The following AP1G2 variants were observed in gnomAD, a reference collection of about 807,000 sequenced individuals.
AP1G2 encodes adaptor related protein complex 1 subunit gamma 2.
Under a neutral mutation model 95.8 loss-of-function variants are expected in AP1G2, and 85 were observed. That is an observed-to-expected ratio of 0.89 (90% CI 0.74 to 1.06). The LOEUF (loss-of-function observed/expected upper bound fraction) is 1.06, where lower values mean the gene tolerates loss of function less well. Among genes scored for constraint, AP1G2 ranks in the 50% least tolerant of loss-of-function variants. The pLI is 0.00. For synonymous variants in AP1G2, 378 were observed against 400.0 expected (o/e 0.94, Z 0.66); for missense variants, 967 against 1,005.8 (o/e 0.96, Z 0.52).
chr14:23,565,317 T>A (rs1020842182), intron 7 of AP1G2, 118 bp from the exon 8 acceptor site: 2 of 1,055,932 alleles, frequency 1.9e-6, no homozygotes, highest in African/African-American at 3.2e-5. Flanking sequence ...TTCCCCCACC[T>A]CCTCACCTCC....
At chr14:23,564,291 G>A (rs780564891) in intron 10 of AP1G2, 42 bp downstream of exon 10, 3 of 1,613,850 alleles carry the variant, frequency 1.9e-6, no homozygotes, top group Non-Finnish European at 2.5e-6. Flanking sequence ...AGAGGGCCAG[G>A]GGATCAGTGG....
chr14:23,562,727 A>G, intron 14 of AP1G2, 134 bp from the exon 15 acceptor site: 1 of 742,250 alleles, frequency 1.3e-6, no homozygotes, highest in South Asian at 1.9e-5. Context: ...ACAAAGCGAG[A>G]CCCCCCCCAT....
Position 23,565,806 on chromosome 14 carries a change from A to G in AP1G2, c.645+10T>C. ...TTCCAGGCCCAGGGCCTGCCCCTTC[A>G]CCAGCCCACCTTTCGGAAGTGCCTG... On this transcript the variant is annotated intron_variant, in intron 6 of 21. Coordinates refer to ENST00000397120, the MANE Select transcript of AP1G2 (RefSeq NM_003917.5). 1 of 1,586,824 alleles carries G rather than the reference A, an allele frequency of 6.3e-7. No homozygotes were observed. Among genetic ancestry groups the G allele is most frequent in the East Asian group, 2.2e-5 (1 of 44,634 alleles).
rs533190621 is a variant in AP1G2 at position 23,562,346 on chromosome 14, G to A, written c.1570C>T (p.Arg524Ter). The A allele has an allele frequency of 2.2e-5, 36 of 1,614,042 alleles. No individual in the cohort carries two copies. The highest frequency in any genetic ancestry group is 2.8e-5 in the Non-Finnish European group (33 of 1,180,020). Residue 524 changes from arginine to a stop codon, truncating the protein, a stop_gained, in exon 16 of 22, where the codon CGA becomes TGA. Transcript: ENST00000397120. LOFTEE classifies it high-confidence loss of function. ...LQSHMSLPAT[R>*]GYALTALMKL... ...ATGAGGGCTGTGAGGGCATATCCTC[G>A]AGTGGCTGGCAGGGACATGTGGGAC... is the stretch of plus-strand genomic sequence containing the variant.
chr14:23,561,833 A>G (rs1884871188), intron 17 of AP1G2, 129 bp downstream of exon 17: 4 of 1,468,456 alleles, frequency 2.7e-6, no homozygotes, highest in African/African-American at 1.4e-5. Context: ...TTCAATTAAC[A>G]GTGGGTGGGA....
Position 23,565,866 on chromosome 14 carries a change from T to A in AP1G2, c.595A>T (p.Ile199Phe), listed in dbSNP as rs1220910684. ...HGILLGTITL[I>F]TELCERSPAA... is the part of the protein sequence containing the mutation. ...GGGCTTCGTTCGCAGAGCTCCGTGA[T>A]CAGCGTGATGGTGCCCAGCAGGATG... Residue 199 changes from isoleucine (I) to phenylalanine (F), a missense_variant, in exon 6 of 22, where the codon ATC (isoleucine) becomes TTC (phenylalanine). Transcript: ENST00000397120. 1 of 1,579,728 alleles carries A rather than the reference T, an allele frequency of 6.3e-7. No homozygotes were observed. The highest frequency in any genetic ancestry group is 1.7e-5 in the Admixed American group (1 of 58,456).
chr14:23,563,582 A>G lies in AP1G2; in HGVS notation c.1287+2T>C, dbSNP rs1238860552. On this transcript the variant is annotated splice_donor_variant, in intron 13 of 21. Coordinates refer to ENST00000397120, the MANE Select transcript of AP1G2 (RefSeq NM_003917.5). LOFTEE classifies it high-confidence loss of function. ...CAGCTCTCTGACTGGCCCCTGCCTC[A>G]CCGTTGTCAGCACATGCAGGATGGT... The G allele has an allele frequency of 6.2e-7, 1 of 1,614,072 alleles. No homozygotes were observed. Among genetic ancestry groups the G allele is most frequent in the African/African-American group, 1.3e-5 (1 of 74,920 alleles).
At position 23,560,298 on chromosome 14, in the gene AP1G2, T is replaced by A. The variant is rs1414173413; in HGVS notation, c.2114A>T (p.Glu705Val). ...LITITATNFS[E>V]GDVTHFICQA... ...GCAGATGAAATGGGTGACATCACCC[T>A]CTGAGAAGTTGGTGGCAGTGATGGT... The change falls in exon 20 of 22, where the codon GAG becomes GTG. Residue 705 changes from glutamate (E) to valine (V), a missense_variant. Physicochemically the swap from Glu to Val is moderately radical, Grantham distance 121. Transcript: ENST00000397120. 3.7e-6 allele frequency: 6 copies of A among 1,614,022 alleles called. No homozygotes were observed.
At chr14:23,565,004 A>G (rs1887069420) in intron 8 of AP1G2, 115 bp downstream of exon 8, 2 of 969,148 alleles carry the variant, frequency 2.1e-6, no homozygotes, top group African/African-American at 3.2e-5. Flanking sequence ...CACTGTCTAG[A>G]GGAGATGGAG....
At chr14:23,564,842 T>C in intron 8 of AP1G2, 182 bp from the exon 9 acceptor site, 1 of 644,216 alleles carries the variant, frequency 1.6e-6, no homozygotes, top group Non-Finnish European at 2.7e-6. Context: ...CAAGCCCAGG[T>C]AATCCTCAGG....
intron 11 of AP1G2, 38 bp downstream of exon 11, chr14:23,564,008 C>T (rs1174183653): frequency 6.2e-7 from 1 of 1,612,298 alleles, no homozygotes. Flanking sequence ...CACTGGGAAC[C>T]TCTGCCCTGC....
chr14:23,566,493 C>A (rs1007518483), intron 3 of AP1G2, 69 bp downstream of exon 3: 1 of 1,607,652 alleles, frequency 6.2e-7, no homozygotes. Flanking sequence ...AACAGGCAGT[C>A]CCCTGGGATT....
chr14:23,561,378 G>C lies in AP1G2; in HGVS notation c.1911C>G (p.Val637=), dbSNP rs1210125113. The C allele has an allele frequency of 6.2e-6, 10 of 1,601,568 alleles. No individual in the cohort carries two copies. The highest frequency in any genetic ancestry group is 1.7e-4 in the Middle Eastern group (1 of 6,010). The change falls in exon 19 of 22, where the codon GTC becomes GTG. Residue 637 remains valine (V), a synonymous_variant. Transcript: ENST00000397120. Reference sequence around the variant, plus strand: ...AGGGGTCCAGATGGGGAGGATGCTGGACATCCCCAGAAGCCCCATCCAGGA... The same window carrying C: ...AGGGGTCCAGATGGGGAGGATGCTGCACATCCCCAGAAGCCCCATCCAGGA... The part of the protein sequence containing the change: ...LDLLDGASGD[V]QHPPHLDPSP...
At chr14:23,562,656 G>A (rs530641949) in intron 14 of AP1G2, 63 bp from the exon 15 acceptor site, 22 of 1,531,806 alleles carry the variant, frequency 1.4e-5, no homozygotes, top group Non-Finnish European at 1.9e-5. Flanking sequence ...TAATCCCAGC[G>A]CATTGGGAGG....
intron 10 of AP1G2, 71 bp downstream of exon 10, chr14:23,564,262 G>A: frequency 1.2e-6 from 2 of 1,613,826 alleles, no homozygotes; most frequent in Non-Finnish European, 1.7e-6. Context: ...GGATCAGGAG[G>A]CTCTGGAGGA....
chr14:23,564,854 TTCTTGAAGGAC>T (rs1319876940), intron 8 of AP1G2, 194 bp from the exon 9 acceptor site: 2 of 634,268 alleles, frequency 3.2e-6, no homozygotes, highest in African/African-American at 3.7e-5. Flanking sequence ...ATCCTCAGGA[TTCTTGAAGGAC>T]TCCAACATGT....
intron 2 of AP1G2, 120 bp from the exon 3 acceptor site, chr14:23,566,806 C>T: frequency 7.2e-7 from 1 of 1,395,314 alleles, no homozygotes; most frequent in South Asian, 1.3e-5. Context: ...TCATCACTCT[C>T]CCTTCAACAA....
intron 14 of AP1G2, chr14:23,563,103 C>T (rs1197364557): frequency 3.7e-6 from 5 of 1,352,904 alleles, no homozygotes; most frequent in Non-Finnish European, 4.7e-6. Flanking sequence ...ACCTCATAAA[C>T]ACAAGAGCTT....
intron 19 of AP1G2, 182 bp from the exon 20 acceptor site, chr14:23,560,600 A>T: frequency 3.5e-6 from 2 of 568,404 alleles, no homozygotes; most frequent in Non-Finnish European, 5.6e-6. Flanking sequence ...CAATAAAAAA[A>T]GGCCGGGCGT....
Sources: gnomAD v4.1 joint callset for allele counts on GRCh38, gnomAD v4.1.1 for gene constraint, MANE v1.5 for transcripts, NCBI Gene and HGNC (gene_info 2026-07-23, HGNC 2026-07-21) for gene names.